The following WTIP variants were observed in gnomAD, a reference collection of about 807,000 sequenced individuals.
WTIP encodes Wilms tumor protein 1-interacting protein.
A neutral mutation model predicts 41.7 loss-of-function variants in WTIP; 23 were observed. That is an observed-to-expected ratio of 0.55 (90% CI 0.40 to 0.78). The LOEUF is 0.78. Among genes scored for constraint, WTIP ranks in the 30% least tolerant of loss-of-function variants. WTIP has a pLI of 0.00. For missense variants in WTIP, 619 were observed against 610.5 expected (o/e 1.01, Z -0.15); for synonymous variants, 314 against 269.9 (o/e 1.16, Z -1.60).
rs1213649781 is a variant in WTIP, at chr19:34,506,037, C to G, written c.*5768C>G. On this transcript the variant is annotated 3_prime_UTR_variant, in exon 8 of 8. Coordinates refer to ENST00000590071, the MANE Select transcript of WTIP (RefSeq NM_001080436.2). ...AACAGATTGGGGCTGGGAGTCCCAG[C>G]CCGTCCCTGGACCAGCCCTGCCATC... 1 of 152,340 alleles carries G rather than the reference C, an allele frequency of 6.6e-6. No homozygotes were observed. Among genetic ancestry groups the G allele is most frequent in the Non-Finnish European group, 1.5e-5 (1 of 68,132 alleles). 9.4% of individuals were successfully genotyped at this position (152,340 alleles called of 1,614,324 possible). A position where few individuals can be genotyped will look rare whatever the true frequency, so the allele number is the denominator to read the frequency against.
At chr19:34,496,740 G>GGAT (rs1281054337) in intron 7 of WTIP, among the ~76,000 whole-genome samples, 1 of 152,092 alleles carries the variant, frequency 6.6e-6, no homozygotes, top group African/African-American at 2.4e-5. Context: ...GGGGAAGAGG[G>GGAT]GATGGGATGC....
chr19:34,483,729 G>A (rs2075782796), intron 1 of WTIP, among the ~76,000 whole-genome samples: 1 of 152,132 alleles, frequency 6.6e-6, no homozygotes, highest in South Asian at 2.1e-4. Context: ...CAGCTCTTGG[G>A]GTGAGATTGT....
At chr19:34,500,023 C>A (rs975047101) in intron 7 of WTIP, 106 bp from the exon 8 acceptor site, 2 of 1,463,826 alleles carry the variant, frequency 1.4e-6, no homozygotes, top group Non-Finnish European at 1.8e-6. Flanking sequence ...TGTTGTTTTG[C>A]GGCACCCTGC....
At position 34,482,052 on chromosome 19, in the gene WTIP, G is replaced by T; in HGVS notation, c.78G>T (p.Gly26=). 7.7e-6 allele frequency: 8 copies of T among 1,033,818 alleles called. No homozygotes were observed. Among genetic ancestry groups the T allele is most frequent in the Non-Finnish European group, 8.1e-6 (7 of 862,566 alleles). 64.0% of individuals were successfully genotyped at this position (1,033,818 alleles called of 1,614,324 possible). ...AGLALRELEP[G]CGSPGRGRRG... is the part of the protein sequence containing the mutation. ...TGGCCCTGCGGGAGCTGGAGCCCGG[G>T]TGCGGCTCTCCCGGTCGGGGGCGGC... is the stretch of plus-strand genomic sequence containing the variant. The change falls in exon 1 of 8, where the codon GGG becomes GGT. Residue 26 remains glycine, a synonymous_variant. Transcript: ENST00000590071.
chr19:34,498,302 C>CT (rs1186597874), intron 7 of WTIP, among the ~76,000 whole-genome samples: 1 of 152,140 alleles, frequency 6.6e-6, no homozygotes, highest in Non-Finnish European at 1.5e-5. Flanking sequence ...TTCAGACCAC[C>CT]CGGGGGTGGC....
chr19:34,500,195 TGTC>T lies in WTIP; in HGVS notation c.1225_1227del (p.Arg409del). 1 of 1,605,048 alleles carries T rather than the reference TGTC, an allele frequency of 6.2e-7. No homozygotes were observed. The highest frequency in any genetic ancestry group is 8.5e-7 in the Non-Finnish European group (1 of 1,179,700). ...CTATCCCCTGGCGGGCCACCTACTG[TGTC>T]GTCGTTGCCACCTGCGGCGCCTCCA... On this transcript the variant is annotated inframe_deletion, in exon 8 of 8. Coordinates refer to ENST00000590071, the MANE Select transcript of WTIP (RefSeq NM_001080436.2).
In WTIP at chr19:34,501,527, C is replaced by T. The variant is rs961676626; in HGVS notation, c.*1258C>T. ...ACATCTGGACTGAAGTCACTCGCCC[C>T]TGGGAGAGCCTGGACCCACCTCTTG... On this transcript the variant is annotated 3_prime_UTR_variant, in exon 8 of 8. Coordinates refer to ENST00000590071, the MANE Select transcript of WTIP (RefSeq NM_001080436.2). 2.0e-5 allele frequency: 3 copies of T among 152,388 alleles called. No homozygotes were observed. The highest frequency in any genetic ancestry group is 7.2e-5 in the African/African-American group (3 of 41,468). The allele number at this position is 152,388 out of a possible 1,614,324, so 9.4% of individuals were successfully genotyped here. A position where few individuals can be genotyped will look rare whatever the true frequency, so the allele number is the denominator to read the frequency against.
Position 34,493,248 on chromosome 19 carries a change from T to C in WTIP, c.838-15T>C, listed in dbSNP as rs1184153314. Reference sequence around the variant, plus strand: ...CTTTGTCACACAATGTCCTGGATCCTGTGTCCCCTCCCAGTACTCCGGGTT... The same window carrying C: ...CTTTGTCACACAATGTCCTGGATCCCGTGTCCCCTCCCAGTACTCCGGGTT... On this transcript the variant is annotated splice_polypyrimidine_tract_variant and intron_variant, in intron 3 of 7. Transcript: ENST00000590071. The surrounding 1 kb of genome is among the most constrained non-coding windows in gnomAD (Gnocchi z 4.1). 6.2e-7 allele frequency: 1 copy of C among 1,613,586 alleles called. No individual in the cohort carries two copies. The highest frequency in any genetic ancestry group is 1.7e-5 in the Admixed American group (1 of 59,954).
chr19:34,497,580 C>T (rs554547509), intron 7 of WTIP, among the ~76,000 whole-genome samples: 1 of 152,114 alleles, frequency 6.6e-6, no homozygotes, highest in Non-Finnish European at 1.5e-5. Flanking sequence ...CACACACAGG[C>T]GAAGTGGCCA....
chr19:34,493,352 G>T lies in WTIP; in HGVS notation c.900+27G>T. 6.2e-7 allele frequency: 1 copy of T among 1,608,122 alleles called. No homozygotes were observed. Among genetic ancestry groups the T allele is most frequent in the Non-Finnish European group, 8.5e-7 (1 of 1,177,542 alleles). On this transcript the variant is annotated intron_variant, in intron 4 of 7. Transcript: ENST00000590071. The surrounding 1 kb of genome is among the most constrained non-coding windows in gnomAD (Gnocchi z 4.1). ...TGAGCCCCTGCCCCAGCCTCCTGGA[G>T]CCCCTCTGACGTGGGTGGAGTCTGA...
intron 1 of WTIP, among the ~76,000 whole-genome samples, chr19:34,486,116 C>T (rs553825789): frequency 8.7e-5 from 7 of 80,322 alleles, no homozygotes; most frequent in Admixed American, 8.0e-4. Flanking sequence ...ACTCCCAGGG[C>T]CACACCGTTT....
At chr19:34,490,727 C>T (rs973025046) in intron 2 of WTIP, among the ~76,000 whole-genome samples, 11 of 152,242 alleles carry the variant, frequency 7.2e-5, no homozygotes, top group Admixed American at 7.2e-4. Context: ...CTAATGCGCT[C>T]ATGTCACCCA....
At chr19:34,490,337 G>A in intron 1 of WTIP, 39 bp from the exon 2 acceptor site, 1 of 1,598,228 alleles carries the variant, frequency 6.3e-7, no homozygotes. Flanking sequence ...CATAGGCTGT[G>A]GCGCTAACCC....
chr19:34,504,708 T>C lies in WTIP; in HGVS notation c.*4439T>C, dbSNP rs570934887. On this transcript the variant is annotated 3_prime_UTR_variant, in exon 8 of 8. Coordinates refer to ENST00000590071, the MANE Select transcript of WTIP (RefSeq NM_001080436.2). ...GCCAGAGGGTGACTGGGGGTTGGGG[T>C]GAGTTGGGTAGGGTGCAGCTGTGCT... 1 of 151,372 alleles carries C rather than the reference T, an allele frequency of 6.6e-6. No individual in the cohort carries two copies. Among genetic ancestry groups the C allele is most frequent in the Non-Finnish European group, 1.5e-5 (1 of 68,020 alleles). The allele number at this position is 151,372 out of a possible 1,614,324, so 9.4% of individuals were successfully genotyped here. A position where few individuals can be genotyped will look rare whatever the true frequency, so the allele number is the denominator to read the frequency against.
chr19:34,496,709 C>T (rs1484866290), intron 7 of WTIP, among the ~76,000 whole-genome samples: 1 of 151,430 alleles, frequency 6.6e-6, no homozygotes, highest in Non-Finnish European at 1.5e-5. Context: ...TCATGAGAAC[C>T]CCAGCAAAGA....
chr19:34,487,984 C>T (rs2075806144), intron 1 of WTIP, among the ~76,000 whole-genome samples: 1 of 152,220 alleles, frequency 6.6e-6, no homozygotes, highest in Admixed American at 6.5e-5. Flanking sequence ...CCACCTTCCC[C>T]GCTGCATGCT....
rs550216673 is a variant in WTIP at position 34,489,412 on chromosome 19, AT to A, written c.668-963del. 3.9e-5 allele frequency among the ~76,000 whole-genome samples: 6 copies of A among 152,074 alleles called. No individual in the cohort carries two copies. In the South Asian group the frequency reaches 8.3e-4, roughly 21 times the overall value. ...ACCAAGAGAATAAGTGGACCCTGGCATACAGAGGAGGACAGAGTGGGTACAG... is the reference window on the plus strand; with the variant it reads ...ACCAAGAGAATAAGTGGACCCTGGCAACAGAGGAGGACAGAGTGGGTACAG... On this transcript the variant is annotated intron_variant, in intron 1 of 7. Transcript: ENST00000590071.
intron 1 of WTIP, 46 bp downstream of exon 1, chr19:34,482,687 C>G: frequency 8.2e-7 from 1 of 1,220,090 alleles, no homozygotes; most frequent in Non-Finnish European, 1.0e-6. Context: ...TGGCTGGGGT[C>G]CGGGGTTCCG....
Position 34,507,139 on chromosome 19 carries a change from G to C in WTIP, c.*6870G>C, listed in dbSNP as rs925313451. On this transcript the variant is annotated 3_prime_UTR_variant, in exon 8 of 8. Transcript: ENST00000590071. Reference sequence around the variant, plus strand: ...CTCGGGAGGCTGAGGCAGAAGAAGCGCTTGAACCCGGGAGGCGGAGGTTGC... The same window carrying C: ...CTCGGGAGGCTGAGGCAGAAGAAGCCCTTGAACCCGGGAGGCGGAGGTTGC... 1 of 150,294 alleles carries C rather than the reference G, an allele frequency of 6.7e-6. No homozygotes were observed. The highest frequency in any genetic ancestry group is 2.5e-5 in the African/African-American group (1 of 40,670). 9.3% of individuals were successfully genotyped at this position (150,294 alleles called of 1,614,324 possible).
Sources: gnomAD v4.1 joint callset for allele counts (sites outside exome capture counted in the v4.1 genomes callset) on GRCh38, gnomAD v4.1.1 for gene constraint, Gnocchi (gnomAD v3.1) non-coding constraint, MANE v1.5 for transcripts, NCBI Gene and HGNC (gene_info 2026-07-23, HGNC 2026-07-21) for gene names.